The following RERE variants were observed in gnomAD, a reference collection of about 807,000 sequenced individuals.
RERE encodes the protein arginine-glutamic acid dipeptide repeats, also known as arginine-glutamic acid dipeptide repeats protein.
Under a neutral mutation model 146.1 loss-of-function variants are expected in RERE, and 40 were observed. The observed-to-expected ratio is 0.27, with a 90% CI of 0.21 to 0.36. The LOEUF (loss-of-function observed/expected upper bound fraction) is 0.36. Among genes scored for constraint, RERE ranks in the 10% least tolerant of loss-of-function variants. RERE has a pLI of 1.00. For missense variants in RERE, 1,933 were observed against 2,138.7 expected (o/e 0.90, Z 1.90); for synonymous variants, 1,003 against 866.0 (o/e 1.16, Z -2.78).
At chr1:8,664,004 G>C (rs896357887) in intron 1 of RERE, among the ~76,000 whole-genome samples, 3 of 151,988 alleles carry the variant, frequency 2.0e-5, no homozygotes, top group African/African-American at 7.3e-5. Context: ...CCCCAATCCT[G>C]CCTGTAAAAT....
At chr1:8,792,879 G>A (rs1032896997) in intron 1 of RERE, among the ~76,000 whole-genome samples, 1 of 152,030 alleles carries the variant, frequency 6.6e-6, no homozygotes, top group Admixed American at 6.6e-5. Context: ...CAGGAAGGCC[G>A]GGTGCAGTGG....
intron 1 of RERE, among the ~76,000 whole-genome samples, chr1:8,673,197 G>A (rs1037408538): frequency 9.2e-5 from 14 of 152,146 alleles, no homozygotes; most frequent in African/African-American, 3.4e-4. Flanking sequence ...CCAGGTTAAA[G>A]CAATTCTCCT....
chr1:8,675,382 G>T (rs1194700590), intron 1 of RERE, among the ~76,000 whole-genome samples: 1 of 149,310 alleles, frequency 6.7e-6, no homozygotes, highest in Non-Finnish European at 1.5e-5. Flanking sequence ...AAAAGGCCCA[G>T]AATGGTGGCT....
At chr1:8,623,168 C>A (rs1646936506) in intron 3 of RERE, among the ~76,000 whole-genome samples, 4 of 152,188 alleles carry the variant, frequency 2.6e-5, no homozygotes, top group Admixed American at 1.3e-4. Context: ...TGGTTCCCGG[C>A]TGGCATGGTA....
chr1:8,597,574 A>G (rs1353810727), intron 4 of RERE, among the ~76,000 whole-genome samples: 1 of 152,200 alleles, frequency 6.6e-6, no homozygotes, highest in Non-Finnish European at 1.5e-5. Context: ...GCAGATAGAA[A>G]AGAATTTATC....
intron 10 of RERE, among the ~76,000 whole-genome samples, chr1:8,469,884 C>T (rs1644657402): frequency 6.6e-6 from 1 of 152,164 alleles, no homozygotes; most frequent in South Asian, 2.1e-4. Flanking sequence ...CTGCAGCCTG[C>T]ACAATGCCCC....
chr1:8,788,039 A>C (rs1641290421), intron 1 of RERE, among the ~76,000 whole-genome samples: 1 of 152,100 alleles, frequency 6.6e-6, no homozygotes, highest in Admixed American at 6.6e-5. Flanking sequence ...TCAAGGCTGC[A>C]GTTAGCCATG....
At chr1:8,657,870 C>A (rs1348352411) in intron 1 of RERE, among the ~76,000 whole-genome samples, 12 of 152,126 alleles carry the variant, frequency 7.9e-5, no homozygotes, top group Admixed American at 6.6e-5. Context: ...ATTGTCTCTG[C>A]CTTAACAAAA....
rs2124364640 is a variant in RERE, at chr1:8,359,945, C to T, written c.3437G>A (p.Arg1146Gln). The change falls in exon 19 of 23, where the codon CGG (arginine) becomes CAG (glutamine). Residue 1146 changes from arginine (R) to glutamine (Q), a missense_variant. This residue lies in a region of RERE where 1,255 missense variants were observed against 1,153.8 expected (regional missense o/e 1.09). Coordinates refer to ENST00000400908, the MANE Select transcript of RERE (RefSeq NM_001042681.2). Reference protein sequence around the residue: ...HLDRGYNSCARTDLYFMPLAG... With the variant: ...HLDRGYNSCAQTDLYFMPLAG... The stretch of plus-strand genomic sequence containing the variant: ...CAGAGGCATGAAGTACAGGTCTGTC[C>T]GGGCACACGAGTTGTAGCCCCGGTC... The T allele has an allele frequency of 6.2e-7, 1 of 1,613,198 alleles. No individual in the cohort carries two copies. Among genetic ancestry groups the T allele is most frequent in the Non-Finnish European group, 8.5e-7 (1 of 1,180,032 alleles).
At chr1:8,664,227 C>A (rs548304111) in intron 1 of RERE, among the ~76,000 whole-genome samples, 1 of 152,298 alleles carries the variant, frequency 6.6e-6, no homozygotes, top group African/African-American at 2.4e-5. Flanking sequence ...GCTGGCCACA[C>A]ACCCTCCTGG....
chr1:8,415,080 C>T (rs1043707704), intron 12 of RERE, among the ~76,000 whole-genome samples: 1 of 151,984 alleles, frequency 6.6e-6, no homozygotes, highest in Non-Finnish European at 1.5e-5. Context: ...TGTCGGTTTC[C>T]TAACAGACTA....
chr1:8,364,100 G>C lies in RERE; in HGVS notation c.1696C>G (p.Leu566Val). ...FKPVKEEDDGLSGKHSMRTRR... is the reference protein window; with the variant it reads ...FKPVKEEDDGVSGKHSMRTRR... Reference sequence around the variant, plus strand: ...GTCCTCATGCTATGCTTCCCACTGAGCCCATCATCCTCTTCCTTGACGGGT... The same window carrying C: ...GTCCTCATGCTATGCTTCCCACTGACCCCATCATCCTCTTCCTTGACGGGT... Residue 566 changes from leucine to valine, a missense_variant, in exon 15 of 23, where the codon CTC (leucine) becomes GTC (valine). By Grantham distance (32) the Leu-to-Val change is conservative. Coordinates refer to ENST00000400908, the MANE Select transcript of RERE (RefSeq NM_001042681.2). This position sits in a 1 kb window ranked among gnomAD's most constrained non-coding sequence, Gnocchi z 5.1. The C allele has an allele frequency of 6.2e-7, 1 of 1,614,182 alleles. No homozygotes were observed. Among genetic ancestry groups the C allele is most frequent in the Admixed American group, 1.7e-5 (1 of 60,026 alleles).
chr1:8,792,106 A>G lies in RERE; in HGVS notation c.-145+25054T>C, dbSNP rs369883681. On this transcript the variant is annotated intron_variant, in intron 1 of 22. Transcript: ENST00000400908. ...CTGTCTCAAAAGAAGGAAAAAAAAA[A>G]AGAAAACAAAACAAAAAGACAAAGT... Among the ~76,000 whole-genome samples the G allele has an allele frequency of 2.6e-5, 4 of 152,256 alleles. No individual in the cohort carries two copies. In the South Asian group the frequency reaches 8.3e-4, roughly 32 times the overall value.
intron 7 of RERE, among the ~76,000 whole-genome samples, chr1:8,533,188 C>T (rs897664391): frequency 2.0e-5 from 3 of 152,148 alleles, no homozygotes; most frequent in Admixed American, 6.5e-5. Context: ...CATTGCCAAC[C>T]TTGAAACAAG....
chr1:8,452,026 C>A (rs999415024), intron 11 of RERE, among the ~76,000 whole-genome samples: 1 of 152,202 alleles, frequency 6.6e-6, no homozygotes, highest in African/African-American at 2.4e-5. Context: ...CACCCATAAG[C>A]TTCATCCAAA....
At chr1:8,811,444 A>C (rs1406566760) in intron 1 of RERE, among the ~76,000 whole-genome samples, 1 of 151,724 alleles carries the variant, frequency 6.6e-6, no homozygotes, top group East Asian at 1.9e-4. Context: ...TGATTTCTAC[A>C]AAAAAAAATT....
At chr1:8,680,091 A>G (rs1638929950) in intron 1 of RERE, among the ~76,000 whole-genome samples, 1 of 152,192 alleles carries the variant, frequency 6.6e-6, no homozygotes, top group Non-Finnish European at 1.5e-5. Flanking sequence ...GTAGGGGTGC[A>G]AGAGATTCTG....
intron 1 of RERE, among the ~76,000 whole-genome samples, chr1:8,731,022 C>G (rs759217331): frequency 1.3e-5 from 2 of 152,086 alleles, no homozygotes; most frequent in African/African-American, 4.8e-5. Flanking sequence ...GAGCAAACAG[C>G]TACCACAAAA....
chr1:8,512,297 T>C (rs1645352223), intron 7 of RERE, among the ~76,000 whole-genome samples: 1 of 150,740 alleles, frequency 6.6e-6, no homozygotes, highest in African/African-American at 2.4e-5. Flanking sequence ...CCTCCCAAAG[T>C]GCTGGGATTA....
Sources: gnomAD v4.1 joint callset for allele counts (sites outside exome capture counted in the v4.1 genomes callset) on GRCh38, gnomAD v4.1.1 for gene constraint, gnomAD v4.1.1 regional missense constraint, Gnocchi (gnomAD v3.1) non-coding constraint, MANE v1.5 for transcripts, NCBI Gene and HGNC (gene_info 2026-07-23, HGNC 2026-07-21) for gene names.